The following COL19A1 variants were observed in gnomAD, a reference collection of about 807,000 sequenced individuals.
COL19A1 encodes collagen alpha-1(XIX) chain.
Under a neutral mutation model 190.2 loss-of-function variants are expected in COL19A1, and 159 were observed. The ratio of observed to expected loss-of-function variants is 0.84; its 90% CI spans 0.73 to 0.95. The LOEUF is 0.95. COL19A1 is among the 40% of genes least tolerant of loss of function. The pLI is 0.00. For synonymous variants in COL19A1, 509 were observed against 458.9 expected, an observed-to-expected ratio of 1.11 and a Z score of -1.39; for missense variants, 1,418 against 1,431.9, an observed-to-expected ratio of 0.99 and a Z score of 0.16.
chr6:69,935,500 T>G (rs1562013352), intron 7 of COL19A1, among the ~76,000 whole-genome samples: 1 of 152,082 alleles, frequency 6.6e-6, no homozygotes, highest in East Asian at 1.9e-4. Context: ...ATGAACTGTT[T>G]TGGTAATAAC....
intron 49 of COL19A1, among the ~76,000 whole-genome samples, chr6:70,201,736 A>G (rs1399613236): frequency 3.3e-5 from 5 of 152,232 alleles, no homozygotes; most frequent in African/African-American, 7.2e-5. Flanking sequence ...CATAGAATTC[A>G]TTTTTAAGGA....
intron 14 of COL19A1, among the ~76,000 whole-genome samples, chr6:70,057,156 C>T (rs1253104277): frequency 6.6e-6 from 1 of 152,130 alleles, no homozygotes; most frequent in East Asian, 1.9e-4. Flanking sequence ...CATGTTTTCA[C>T]GTGGCCACTG....
chr6:70,178,710 CAG>C (rs1765972128), intron 42 of COL19A1, among the ~76,000 whole-genome samples: 3 of 152,204 alleles, frequency 2.0e-5, no homozygotes, highest in Admixed American at 2.0e-4. Flanking sequence ...CCTGCCCACA[CAG>C]AGACACTGGT....
At chr6:70,059,876 A>G (rs543915835) in intron 14 of COL19A1, 1 of 430,576 alleles carries the variant, frequency 2.3e-6, no homozygotes, top group African/African-American at 2.1e-5. Flanking sequence ...AGTAAATTAA[A>G]AAGTAGAAAA....
chr6:70,149,658 G>T, intron 27 of COL19A1, 46 bp from the exon 28 acceptor site: 1 of 1,605,380 alleles, frequency 6.2e-7, no homozygotes, highest in Non-Finnish European at 8.5e-7. Context: ...ATAATTTATG[G>T]ACATTCTTGG....
chr6:70,097,627 G>A (rs1373369928), intron 15 of COL19A1, among the ~76,000 whole-genome samples: 1 of 152,044 alleles, frequency 6.6e-6, no homozygotes, highest in Non-Finnish European at 1.5e-5. Flanking sequence ...AGATCATTAG[G>A]CAGATATCTA....
In COL19A1 at chr6:69,994,506, C is replaced by T. The variant is rs546061962; in HGVS notation, c.1027-29121C>T. On this transcript the variant is annotated intron_variant, in intron 11 of 50. Transcript: ENST00000620364. ...TCATTCTCACTGGATTCCCAGGCAA[C>T]AGCTGTGACAGACTAAATTGTCTCT... Among the ~76,000 whole-genome samples, 3 of 152,254 alleles carry T rather than the reference C, an allele frequency of 2.0e-5. No individual in the cohort carries two copies. In the East Asian group the frequency reaches 5.8e-4, roughly 29 times the overall value.
At chr6:70,040,810 TACTTG>T (rs1235785666) in intron 14 of COL19A1, among the ~76,000 whole-genome samples, 2 of 152,212 alleles carry the variant, frequency 1.3e-5, no homozygotes, top group African/African-American at 2.4e-5. Context: ...TCTGTCAATC[TACTTG>T]ACTTGATAAA....
chr6:69,899,833 A>G (rs1770045486), intron 3 of COL19A1, among the ~76,000 whole-genome samples: 1 of 152,140 alleles, frequency 6.6e-6, no homozygotes, highest in Non-Finnish European at 1.5e-5. Flanking sequence ...TCATCAATAC[A>G]CATTTCTTTA....
chr6:70,078,947 A>G (rs540238357), intron 15 of COL19A1, among the ~76,000 whole-genome samples: 1 of 152,026 alleles, frequency 6.6e-6, no homozygotes, highest in South Asian at 2.1e-4. Flanking sequence ...TGCACCTCTA[A>G]TCTCAGCTAT....
At chr6:69,941,099 G>C (rs1460564644) in intron 9 of COL19A1, among the ~76,000 whole-genome samples, 1 of 152,108 alleles carries the variant, frequency 6.6e-6, no homozygotes, top group Non-Finnish European at 1.5e-5. Flanking sequence ...ATGTTACTAA[G>C]GGAATCAGAT....
chr6:70,117,076 G>A (rs1159233238), intron 16 of COL19A1, among the ~76,000 whole-genome samples: 1 of 152,194 alleles, frequency 6.6e-6, no homozygotes, highest in Non-Finnish European at 1.5e-5. Context: ...GTTCAAGATT[G>A]AGGATCAGAG....
chr6:70,041,996 A>T (rs1270504617), intron 14 of COL19A1, among the ~76,000 whole-genome samples: 1 of 152,118 alleles, frequency 6.6e-6, no homozygotes, highest in Non-Finnish European at 1.5e-5. Context: ...TAAACCCAGG[A>T]GGAGGTTGCA....
At chr6:69,899,165 ATTTTTTTTT>A in intron 3 of COL19A1, 143 bp downstream of exon 3, 1 of 425,914 alleles carries the variant, frequency 2.3e-6, no homozygotes. Context: ...ATTCTTTTTA[ATTTTTTTTT>A]TTTTTTTTGA....
chr6:69,933,504 A>G (rs1486343710), intron 7 of COL19A1, among the ~76,000 whole-genome samples: 1 of 152,122 alleles, frequency 6.6e-6, no homozygotes, highest in African/African-American at 2.4e-5. Flanking sequence ...ATTAAGGCAC[A>G]TTCCCTGCCC....
intron 1 of COL19A1, among the ~76,000 whole-genome samples, chr6:69,874,354 G>T (rs1051186243): frequency 2.0e-5 from 3 of 152,204 alleles, no homozygotes; most frequent in African/African-American, 7.2e-5. Flanking sequence ...TTTATTTTGA[G>T]AGCTTGATGA....
chr6:70,163,547 A>T (rs1437373848), intron 36 of COL19A1, 151 bp downstream of exon 36: 6 of 667,510 alleles, frequency 9.0e-6, no homozygotes, highest in Non-Finnish European at 1.5e-5. Context: ...ATTTGGAAGA[A>T]CACAGGTCCA....
chr6:69,947,013 G>A (rs1386420848), intron 9 of COL19A1, among the ~76,000 whole-genome samples: 6 of 151,724 alleles, frequency 4.0e-5, no homozygotes, highest in Non-Finnish European at 7.4e-5. Flanking sequence ...AAGTAATTGT[G>A]GCAGAGACTG....
At chr6:70,049,833 G>A (rs778554596) in intron 14 of COL19A1, among the ~76,000 whole-genome samples, 10 of 152,072 alleles carry the variant, frequency 6.6e-5, no homozygotes, top group Non-Finnish European at 1.0e-4. Flanking sequence ...AGCAAAGCAC[G>A]TATTTATTTC....
Sources: gnomAD v4.1 joint callset for allele counts (sites outside exome capture counted in the v4.1 genomes callset) on GRCh38, gnomAD v4.1.1 for gene constraint, MANE v1.5 for transcripts, NCBI Gene and HGNC (gene_info 2026-07-23, HGNC 2026-07-21) for gene names.